The following SAXO1 variants were observed in gnomAD, a reference collection of about 807,000 sequenced individuals.
The protein encoded by SAXO1 is 4930500O09Rik.
SAXO1 carries 21 observed loss-of-function variants against 17.5 expected under a neutral mutation model. The observed-to-expected ratio is 1.20, with a 90% confidence interval of 0.85 to 1.72. SAXO1 has a LOEUF of 1.72. Among genes scored for constraint, SAXO1 ranks in the 40% most tolerant of loss-of-function variants. The pLI is 0.00. For synonymous variants in SAXO1, 274 were observed against 216.5 expected (o/e 1.27, Z -2.33); for missense variants, 843 against 596.0 (o/e 1.41, Z -4.32).
intron 2 of SAXO1, among the ~76,000 whole-genome samples, chr9:18,942,756 C>G (rs1452313415): frequency 6.6e-6 from 1 of 152,210 alleles, no homozygotes; most frequent in Non-Finnish European, 1.5e-5. Context: ...CACCAGGAAC[C>G]GCCCTAAGGA....
chr9:18,963,602 T>G (rs2131767174), intron 1 of SAXO1, among the ~76,000 whole-genome samples: 1 of 151,560 alleles, frequency 6.6e-6, no homozygotes, highest in South Asian at 2.1e-4. Flanking sequence ...CTCTCTAATA[T>G]TAGTGTATAG....
At chr9:18,938,821 C>CAT (rs1554667834) in intron 3 of SAXO1, among the ~76,000 whole-genome samples, 15 of 78,510 alleles carry the variant, frequency 1.9e-4, no homozygotes, top group Non-Finnish European at 3.9e-4. Context: ...TGCGTGCGTG[C>CAT]GTGTGTGTGT....
chr9:18,959,513 G>C (rs1048372333), intron 1 of SAXO1, among the ~76,000 whole-genome samples: 1 of 152,168 alleles, frequency 6.6e-6, no homozygotes, highest in Non-Finnish European at 1.5e-5. Context: ...GTTCATGCCT[G>C]TAATCCCAGC....
chr9:18,945,999 G>A (rs1034816408), intron 2 of SAXO1, among the ~76,000 whole-genome samples: 3 of 152,112 alleles, frequency 2.0e-5, no homozygotes, highest in Non-Finnish European at 2.9e-5. Context: ...AAGGCTGGCC[G>A]GGCACGGTGG....
At chr9:18,997,044 A>G (rs995279066) in intron 1 of SAXO1, among the ~76,000 whole-genome samples, 1 of 152,058 alleles carries the variant, frequency 6.6e-6, no homozygotes, top group African/African-American at 2.4e-5. Flanking sequence ...AAGATGGGTG[A>G]TTTCTGCATT....
chr9:19,029,460 T>C (rs750706251), intron 1 of SAXO1, among the ~76,000 whole-genome samples: 4 of 152,190 alleles, frequency 2.6e-5, no homozygotes, highest in African/African-American at 4.8e-5. Context: ...AGATTTCCCA[T>C]TGCTTTTTCC....
At chr9:19,022,925 G>A (rs1347203337) in intron 1 of SAXO1, among the ~76,000 whole-genome samples, 1 of 152,118 alleles carries the variant, frequency 6.6e-6, no homozygotes, top group Non-Finnish European at 1.5e-5. Context: ...CAGAGTCATT[G>A]TTTTGAAGAC....
chr9:18,945,256 T>C (rs1018803682), intron 2 of SAXO1, among the ~76,000 whole-genome samples: 7 of 152,134 alleles, frequency 4.6e-5, no homozygotes, highest in African/African-American at 1.4e-4. Flanking sequence ...ACTCCAAGCA[T>C]CACCTTGTTT....
In SAXO1 at chr9:18,976,128, A is replaced by T. The variant is rs536531300; in HGVS notation, c.39-25191T>A. ...CACATAGATGCACCCATGTGTGCAC[A>T]CATATGACATAATTAGGAAGCACTC... On this transcript the variant is annotated intron_variant, in intron 1 of 3. Coordinates refer to ENST00000380534, the MANE Select transcript of SAXO1 (RefSeq NM_153707.4). Among the ~76,000 whole-genome samples, 3 of 152,364 alleles carry T rather than the reference A, an allele frequency of 2.0e-5. No homozygotes were observed. The East Asian group carries it at 5.8e-4, about 29-fold the overall frequency.
At chr9:18,988,768 T>G (rs1833692724) in intron 1 of SAXO1, among the ~76,000 whole-genome samples, 2 of 152,192 alleles carry the variant, frequency 1.3e-5, no homozygotes, top group Admixed American at 1.3e-4. Flanking sequence ...ACATGTATGA[T>G]TTATGTGATG....
intron 1 of SAXO1, among the ~76,000 whole-genome samples, chr9:19,045,607 T>C (rs998223143): frequency 2.0e-5 from 3 of 152,148 alleles, no homozygotes; most frequent in Admixed American, 1.3e-4. Context: ...ATCAGGCTTA[T>C]ACACACCCCA....
At chr9:19,030,755 A>G (rs2131050187) in intron 1 of SAXO1, among the ~76,000 whole-genome samples, 1 of 152,294 alleles carries the variant, frequency 6.6e-6, no homozygotes, top group East Asian at 1.9e-4. Context: ...TGTTTGAGGG[A>G]GAGTAAGAGA....
chr9:18,933,388 TTG>T (rs1831139260), intron 3 of SAXO1, among the ~76,000 whole-genome samples: 1 of 152,212 alleles, frequency 6.6e-6, no homozygotes, highest in African/African-American at 2.4e-5. Context: ...GATTCTGTAA[TTG>T]TCTTTTAAAT....
chr9:19,034,014 T>A (rs1166378273), upstream of SAXO1, among the ~76,000 whole-genome samples: 1 of 152,200 alleles, frequency 6.6e-6, no homozygotes, highest in South Asian at 2.1e-4. Flanking sequence ...TCAAAACCTC[T>A]AGTCCGGGAA....
chr9:18,933,095 A>G (rs1831125362), intron 3 of SAXO1, among the ~76,000 whole-genome samples: 1 of 152,238 alleles, frequency 6.6e-6, no homozygotes. Context: ...CTGACATCCT[A>G]GCCTTGTTCT....
In SAXO1 at chr9:18,927,774, C is replaced by T; in HGVS notation, c.*278G>A. 2.8e-6 allele frequency: 1 copy of T among 353,832 alleles called. No homozygotes were observed. The highest frequency in any genetic ancestry group is 5.1e-6 in the Non-Finnish European group (1 of 196,694). 21.9% of individuals were successfully genotyped at this position (353,832 alleles called of 1,614,324 possible). ...AATACATCTGGATCAGAGAAACCCT[C>T]ACAGACCAACTTTGATTCCATAAGC... is the stretch of plus-strand genomic sequence containing the variant. On this transcript the variant is annotated 3_prime_UTR_variant, in exon 4 of 4. Transcript: ENST00000380534.
upstream of SAXO1, among the ~76,000 whole-genome samples, chr9:19,038,086 T>G (rs1009999072): frequency 6.6e-6 from 1 of 152,128 alleles, no homozygotes; most frequent in Non-Finnish European, 1.5e-5. Flanking sequence ...AGAATGGCAA[T>G]CATTAAAAAG....
intron 2 of SAXO1, among the ~76,000 whole-genome samples, chr9:18,949,325 G>A (rs1831925881): frequency 6.6e-6 from 1 of 152,148 alleles, no homozygotes; most frequent in African/African-American, 2.4e-5. Context: ...GGGCATGGTG[G>A]TCCATGCCTG....
At chr9:18,949,519 CCT>C (rs1273205763) in intron 2 of SAXO1, among the ~76,000 whole-genome samples, 1 of 152,124 alleles carries the variant, frequency 6.6e-6, no homozygotes, top group Non-Finnish European at 1.5e-5. Flanking sequence ...CCCTCAACTC[CCT>C]CTCATTCTCA....
Sources: allele counts gnomAD v4.1 joint callset (sites outside exome capture counted in the v4.1 genomes callset), GRCh38; gene constraint gnomAD v4.1.1; transcripts MANE v1.5; gene names NCBI Gene and HGNC (gene_info 2026-07-23, HGNC 2026-07-21).